Variants in GFM2 observed in about 807,000 individuals in gnomAD.
GFM2 encodes ribosome-releasing factor 2, mitochondrial.
Under a neutral mutation model 95.4 loss-of-function variants are expected in GFM2, and 72 were observed. The ratio of observed to expected loss-of-function variants is 0.76; its 90% CI spans 0.62 to 0.92. GFM2 has a LOEUF of 0.92. Among genes scored for constraint, GFM2 ranks in the 40% least tolerant of loss-of-function variants. GFM2 has a pLI of 0.00. For synonymous variants in GFM2, 276 were observed against 317.5 expected, an observed-to-expected ratio of 0.87 and a Z score of 1.39; for missense variants, 825 against 924.1, an observed-to-expected ratio of 0.89 and a Z score of 1.39.
At chr5:74,746,083 C>T (rs765737516) in intron 9 of GFM2, 22 bp downstream of exon 9, 2 of 1,479,894 alleles carry the variant, frequency 1.4e-6, no homozygotes, top group East Asian at 4.6e-5. Flanking sequence ...TGAGAAGAAG[C>T]TGATGCTATT....
At chr5:74,730,642 G>T in intron 16 of GFM2, 1 of 309,452 alleles carries the variant, frequency 3.2e-6, no homozygotes, top group Non-Finnish European at 5.9e-6. Context: ...TGAATTATCT[G>T]CTGGGCAAGT....
chr5:74,745,968 T>C (rs1743364517), intron 9 of GFM2, 111 bp from the exon 10 acceptor site: 1 of 1,101,994 alleles, frequency 9.1e-7, no homozygotes, highest in South Asian at 1.5e-5. Context: ...ATTATCACCA[T>C]TACTATAATC....
intron 2 of GFM2, among the ~76,000 whole-genome samples, chr5:74,762,423 C>A (rs1361516535): frequency 6.6e-6 from 1 of 152,184 alleles, no homozygotes; most frequent in Non-Finnish European, 1.5e-5. Context: ...TGTTATGTGA[C>A]CATAATTTTT....
At chr5:74,731,085 T>C (rs1001236374) in intron 16 of GFM2, among the ~76,000 whole-genome samples, 1 of 152,144 alleles carries the variant, frequency 6.6e-6, no homozygotes, top group African/African-American at 2.4e-5. Context: ...AGAGGTGGGA[T>C]TACAGGCGTG....
intron 18 of GFM2, 30 bp from the exon 19 acceptor site, chr5:74,725,785 T>C: frequency 6.5e-7 from 1 of 1,531,560 alleles, no homozygotes; most frequent in Non-Finnish European, 9.0e-7. Flanking sequence ...TGTATCATAC[T>C]CTGCTAGATG....
chr5:74,751,424 G>A lies in GFM2; in HGVS notation c.374C>T (p.Ser125Leu), dbSNP rs775606940. The A allele has an allele frequency of 2.4e-5, 39 of 1,611,170 alleles. 2 individuals are homozygous for A. The South Asian group carries it at 4.1e-4, about 17-fold the overall frequency. Residue 125 changes from serine (S) to leucine (L), a missense_variant, in exon 6 of 21, where the codon TCA becomes TTA. Physicochemically the swap from Ser to Leu is moderately radical, Grantham distance 145 (BLOSUM62 -2). Transcript: ENST00000296805. ...QERERGITIQ[S>L]AAVTFDWKGY... ...TTTCCAATCAAATGTAACAGCAGCT[G>A]ATTGAATAGTAATGCCTCTTTCTCG...
chr5:74,741,475 A>G, intron 11 of GFM2, 54 bp downstream of exon 11: 1 of 838,892 alleles, frequency 1.2e-6, no homozygotes, highest in Non-Finnish European at 2.0e-6. Context: ...CAGAGAAATC[A>G]AACTACATCC....
chr5:74,728,584 C>CA (rs1268115532), intron 17 of GFM2, among the ~76,000 whole-genome samples: 2 of 152,108 alleles, frequency 1.3e-5, no homozygotes, highest in South Asian at 4.2e-4. Context: ...CTTATTTCTT[C>CA]AAAGATAGTA....
intron 9 of GFM2, 118 bp from the exon 10 acceptor site, chr5:74,745,975 A>C: frequency 9.3e-7 from 1 of 1,075,890 alleles, no homozygotes; most frequent in Non-Finnish European, 1.4e-6. Flanking sequence ...CCATTACTAT[A>C]ATCTGTGGCT....
intron 5 of GFM2, among the ~76,000 whole-genome samples, chr5:74,753,588 C>T (rs992672525): frequency 1.3e-5 from 2 of 152,036 alleles, no homozygotes; most frequent in African/African-American, 4.8e-5. Context: ...CAGAGCAAGA[C>T]TCCATCTCAA....
At chr5:74,726,743 AT>A (rs373795708) in intron 17 of GFM2, among the ~76,000 whole-genome samples, 4 of 152,320 alleles carry the variant, frequency 2.6e-5, no homozygotes, top group African/African-American at 9.6e-5. Context: ...AAACTATGCC[AT>A]ATTTATGTGA....
chr5:74,733,193 T>C, intron 15 of GFM2, 95 bp from the exon 16 acceptor site: 1 of 923,722 alleles, frequency 1.1e-6, no homozygotes, highest in Non-Finnish European at 1.7e-6. Flanking sequence ...CAAACAAATT[T>C]TGAAAAAGAA....
chr5:74,737,567 C>G (rs1381736989), intron 14 of GFM2, among the ~76,000 whole-genome samples: 4 of 152,098 alleles, frequency 2.6e-5, no homozygotes, highest in African/African-American at 9.7e-5. Context: ...CAAATACATA[C>G]AAGGAGCTCC....
At chr5:74,726,317 G>C (rs1750146322) in intron 17 of GFM2, among the ~76,000 whole-genome samples, 191 bp from the exon 18 acceptor site, 1 of 152,156 alleles carries the variant, frequency 6.6e-6, no homozygotes, top group Admixed American at 6.5e-5. Flanking sequence ...ATCTGCTTCT[G>C]TGTTGATCAA....
chr5:74,731,911 GCTTT>G (rs1266469619), intron 16 of GFM2, among the ~76,000 whole-genome samples: 1 of 147,774 alleles, frequency 6.8e-6, no homozygotes, highest in Non-Finnish European at 1.5e-5. Context: ...TGTATTATTT[GCTTT>G]TTTTTTTTTT....
intron 1 of GFM2, among the ~76,000 whole-genome samples, chr5:74,766,704 G>A (rs1744639115): frequency 6.6e-6 from 1 of 152,184 alleles, no homozygotes; most frequent in Non-Finnish European, 1.5e-5. Context: ...TCATTCCTCA[G>A]TATCCTTCAC....
rs1302226805 is a variant in GFM2 at position 74,740,145 on chromosome 5, G to A, written c.931-8C>T. ...ATGTATTGCAGTCTGTAGCTACAGA[G>A]CAGAGATACAAATGAGCATTTATTT... is the stretch of plus-strand genomic sequence containing the variant. On this transcript the variant is annotated splice_region_variant and splice_polypyrimidine_tract_variant and intron_variant, in intron 11 of 20. Transcript: ENST00000296805. 6.3e-7 allele frequency: 1 copy of A among 1,590,124 alleles called. No individual in the cohort carries two copies. The highest frequency in any genetic ancestry group is 1.4e-5 in the African/African-American group (1 of 73,300).
Position 74,750,599 on chromosome 5 carries a change from C to G in GFM2, c.499G>C (p.Asp167His). The G allele has an allele frequency of 6.2e-7, 1 of 1,612,318 alleles. No homozygotes were observed. The highest frequency in any genetic ancestry group is 8.5e-7 in the Non-Finnish European group (1 of 1,178,646). Residue 167 changes from aspartate (D) to histidine (H), a missense_variant, in exon 7 of 21, where the codon GAT becomes CAT. By Grantham distance (81) the Asp-to-His change is moderately conservative (BLOSUM62 -1). Transcript: ENST00000296805. ...TTTACCTCTACACCAGCAGAGGCAT[C>G]AAATACAGCCACTGCACCATCCAAC... is the stretch of plus-strand genomic sequence containing the variant. Reference protein sequence around the residue: ...RVLDGAVAVFDASAGVEAQTL... With the variant: ...RVLDGAVAVFHASAGVEAQTL...
In GFM2 at chr5:74,752,296, T is replaced by G. The variant is rs142427759; in HGVS notation, c.305-803A>C. On this transcript the variant is annotated intron_variant, in intron 5 of 20. Coordinates refer to ENST00000296805, the MANE Select transcript of GFM2 (RefSeq NM_032380.5). ...TTAAATTTATAGACAGTAAAAGAAA[T>G]AAACAGTTGGTCTTTACCATTATCA... Among the ~76,000 whole-genome samples, 303 of 152,290 alleles carry G rather than the reference T, an allele frequency of 2.0e-3. 5 individuals carry two copies. In the East Asian group the frequency reaches 0.053, roughly 27 times the overall value.
Sources: allele counts gnomAD v4.1 joint callset (sites outside exome capture counted in the v4.1 genomes callset), GRCh38; gene constraint gnomAD v4.1.1; transcripts MANE v1.5; gene names NCBI Gene and HGNC (gene_info 2026-07-23, HGNC 2026-07-21).